Variants in WNT5A observed in about 807,000 individuals in gnomAD.
WNT5A encodes protein Wnt-5a.
A neutral mutation model predicts 42.1 loss-of-function variants in WNT5A; 9 were observed. The ratio of observed to expected loss-of-function variants is 0.21; its 90% CI spans 0.13 to 0.37. The LOEUF (loss-of-function observed/expected upper bound fraction) is 0.37, where lower values mean the gene tolerates loss of function less well. Ranked by LOEUF, WNT5A falls within the 10% of genes least tolerant of loss-of-function variation. The probability of loss-of-function intolerance (pLI) is 1.00; values close to 1 mark genes in which losing one functional copy is unlikely to be tolerated. For synonymous variants in WNT5A, 210 were observed against 210.0 expected (o/e 1.00, Z 0.00); for missense variants, 426 against 534.0 (o/e 0.80, Z 1.99).
the WNT5A span, among the ~76,000 whole-genome samples, chr3:55,502,447 T>C: frequency 1.3e-5 from 2 of 152,242 alleles, no homozygotes; most frequent in South Asian, 2.1e-4. Flanking sequence ...ATTCCTTCCC[T>C]GCAACTTAGT....
At position 55,474,401 on chromosome 3, in the gene WNT5A, G is replaced by C; in HGVS notation, c.620C>G (p.Ala207Gly). ...GCGAGCACTCTCGTAGGAGCCCTTG[G>C]CGTGGATGCGCTCCCGCTCGCGGGC... ...VDARERERIH[A>G]KGSYESARIL... The change falls in exon 4 of 5, where the codon GCC becomes GGC. Residue 207 changes from alanine (A) to glycine (G), a missense_variant. Coordinates refer to ENST00000264634, the MANE Select transcript of WNT5A (RefSeq NM_003392.7). 1 of 1,612,604 alleles carries C rather than the reference G, an allele frequency of 6.2e-7. No homozygotes were observed.
upstream of WNT5A, among the ~76,000 whole-genome samples, chr3:55,495,207 T>C (rs187823571): frequency 2.0e-5 from 3 of 152,348 alleles, no homozygotes; most frequent in African/African-American, 7.2e-5. Context: ...CATCGAAAAT[T>C]TGTAGTCTTA....
chr3:55,477,608 T>G (rs1197959214), intron 3 of WNT5A, among the ~76,000 whole-genome samples: 1 of 152,192 alleles, frequency 6.6e-6, no homozygotes, highest in Non-Finnish European at 1.5e-5. Flanking sequence ...AAATACAGGC[T>G]TTTGTACCAA....
At position 55,468,896 on chromosome 3, in the gene WNT5A, C is replaced by T. The variant is rs2051194597; in HGVS notation, c.*1196G>A. The T allele has an allele frequency of 1.3e-5, 2 of 152,348 alleles. No individual in the cohort carries two copies. The highest frequency in any genetic ancestry group is 4.1e-4 in the South Asian group (2 of 4,830). The allele number at this position is 152,348 out of a possible 1,614,324, so 9.4% of individuals were successfully genotyped here. On this transcript the variant is annotated 3_prime_UTR_variant, in exon 5 of 5. Coordinates refer to ENST00000264634, the MANE Select transcript of WNT5A (RefSeq NM_003392.7). ...TAAAACATAGAAAACTACTGCTCCT[C>T]AAAATAAAAGTTTTAGGAAACAAAA...
intron 3 of WNT5A, among the ~76,000 whole-genome samples, chr3:55,475,258 A>G (rs2051333663): frequency 6.6e-6 from 1 of 152,218 alleles, no homozygotes; most frequent in Non-Finnish European, 1.5e-5. Context: ...CACTTATTTT[A>G]ATATTAAGTA....
At chr3:55,488,911 T>C (rs504849), upstream of WNT5A, among the ~76,000 whole-genome samples, 85,569 of 151,998 alleles carry the variant, frequency 0.56, 25,488 homozygotes, top group African/African-American at 0.77. Flanking sequence ...CTGGGGCTGA[T>C]GGATAGGGTT....
In WNT5A at chr3:55,466,223, G is replaced by T. The variant is rs1159296933; in HGVS notation, c.*3869C>A. On this transcript the variant is annotated 3_prime_UTR_variant, in exon 5 of 5. Coordinates refer to ENST00000264634, the MANE Select transcript of WNT5A (RefSeq NM_003392.7). ...TAAAAGTATAGCTTACAGTGACAAT[G>T]TAGTATTTTAGACCTGTGCCTTCGT... The T allele has an allele frequency of 6.6e-6, 1 of 152,066 alleles. No individual in the cohort carries two copies. The highest frequency in any genetic ancestry group is 2.4e-5 in the African/African-American group (1 of 41,416). 9.4% of individuals were successfully genotyped at this position (152,066 alleles called of 1,614,324 possible). A position where few individuals can be genotyped will look rare whatever the true frequency, so the allele number is the denominator to read the frequency against.
In WNT5A at chr3:55,470,475, G is replaced by A; in HGVS notation, c.760C>T (p.Leu254=). The A allele has an allele frequency of 1.2e-6, 2 of 1,608,802 alleles. No homozygotes were observed. The highest frequency in any genetic ancestry group is 1.7e-6 in the Non-Finnish European group (2 of 1,177,480). Residue 254 remains leucine (L), a synonymous_variant, in exon 5 of 5, where the codon CTG becomes TTG. Transcript: ENST00000264634. ...ACCTTGCGGAAGTCTGCCAGCTGCAGCCAGCATGTCTTCAGGCTACATGAG... is the reference window on the plus strand; with the variant it reads ...ACCTTGCGGAAGTCTGCCAGCTGCAACCAGCATGTCTTCAGGCTACATGAG... ...SGSCSLKTCW[L]QLADFRKVGD... is the part of the protein sequence containing the mutation.
At chr3:55,499,211 A>G in the WNT5A span, among the ~76,000 whole-genome samples, 2 of 152,206 alleles carry the variant, frequency 1.3e-5, no homozygotes. Context: ...AGGAGTTTTG[A>G]TCTTCTCTTG....
At chr3:55,472,547 C>G (rs1459396685) in intron 4 of WNT5A, among the ~76,000 whole-genome samples, 2 of 152,106 alleles carry the variant, frequency 1.3e-5, no homozygotes, top group African/African-American at 2.4e-5. Context: ...CCCACCCCCC[C>G]CAAATTTTCA....
chr3:55,490,165 A>G (rs2051643340), upstream of WNT5A: 2 of 152,218 alleles, frequency 1.3e-5, no homozygotes, highest in Admixed American at 6.5e-5. Context: ...AGAGGATCCT[A>G]TTCTATGAAG....
chr3:55,504,330 T>C, the WNT5A span, among the ~76,000 whole-genome samples: 3 of 151,980 alleles, frequency 2.0e-5, no homozygotes, highest in South Asian at 6.3e-4. Context: ...TAAGACATAG[T>C]GCCTGCCCCC....
At chr3:55,474,198 G>C in intron 4 of WNT5A, 139 bp downstream of exon 4, 1 of 1,051,210 alleles carries the variant, frequency 9.5e-7, no homozygotes, top group East Asian at 2.6e-5. Context: ...GACAGAAAGA[G>C]AAGCAGAGAG....
At chr3:55,495,351 C>T (rs2051704787), upstream of WNT5A, among the ~76,000 whole-genome samples, 1 of 152,184 alleles carries the variant, frequency 6.6e-6, no homozygotes, top group African/African-American at 2.4e-5. Context: ...CCTCGTCCCT[C>T]TCCCTACTTT....
At chr3:55,472,616 G>C (rs929925849) in intron 4 of WNT5A, among the ~76,000 whole-genome samples, 3 of 152,080 alleles carry the variant, frequency 2.0e-5, no homozygotes, top group Non-Finnish European at 4.4e-5. Context: ...ATGGCAGTGA[G>C]AGGCCTGAGA....
At chr3:55,486,696 C>G (rs777283474) in intron 1 of WNT5A, among the ~76,000 whole-genome samples, 12 of 152,224 alleles carry the variant, frequency 7.9e-5, no homozygotes, top group Non-Finnish European at 1.3e-4. Flanking sequence ...GTCAGTGAAC[C>G]GCACTCAGTT....
upstream of WNT5A, chr3:55,487,570 TC>T (rs1440452817): frequency 6.5e-6 from 1 of 153,216 alleles, no homozygotes; most frequent in African/African-American, 2.4e-5. Context: ...CCTCCTGATC[TC>T]CAGCTCCTCC....
rs1252468537 is a variant in WNT5A at position 55,474,601 on chromosome 3, C to T, written c.420G>A (p.Ala140=). 3 of 1,450,616 alleles carry T rather than the reference C, an allele frequency of 2.1e-6. No individual in the cohort carries two copies. The highest frequency in any genetic ancestry group is 9.0e-7 in the Non-Finnish European group (1 of 1,105,390). The allele number at this position is 1,450,616 out of a possible 1,614,324, so 89.9% of individuals were successfully genotyped here. Residue 140 remains alanine (A), a synonymous_variant, in exon 4 of 5, where the codon GCG becomes GCA. Coordinates refer to ENST00000264634, the MANE Select transcript of WNT5A (RefSeq NM_003392.7). ...CGTTCACCACCCCTGCTGCGCTCAC[C>T]GCGTATGTGAAGGCCGTCTCGCGGC... ...IGSRETAFTY[A]VSAAGVVNAM... is the part of the protein sequence containing the mutation.
chr3:55,468,809 C>A lies in WNT5A; in HGVS notation c.*1283G>T, dbSNP rs549266203. The A allele has an allele frequency of 1.3e-5, 2 of 152,698 alleles. No homozygotes were observed. The highest frequency in any genetic ancestry group is 1.9e-4 in the East Asian group (1 of 5,178). The allele number at this position is 152,698 out of a possible 1,614,324, so 9.5% of individuals were successfully genotyped here. On this transcript the variant is annotated 3_prime_UTR_variant, in exon 5 of 5. Transcript: ENST00000264634. ...GAAGCATGAGTGGATAATCTAAACA[C>A]AGGATCATAACAGTGATACGCTGCA...
Sources: gnomAD v4.1 joint callset for allele counts (sites outside exome capture counted in the v4.1 genomes callset) on GRCh38, gnomAD v4.1.1 for gene constraint, MANE v1.5 for transcripts, NCBI Gene and HGNC (gene_info 2026-07-23, HGNC 2026-07-21) for gene names.